The following ERLIN1 variants were observed in gnomAD, a reference collection of about 807,000 sequenced individuals.
ERLIN1 encodes the protein ER lipid raft associated 1, also known as erlin-1.
ERLIN1 carries 24 observed loss-of-function variants against 46.9 expected under a neutral mutation model. The ratio of observed to expected loss-of-function variants is 0.51; its 90% CI spans 0.37 to 0.72. The LOEUF (loss-of-function observed/expected upper bound fraction) is 0.72, where lower values mean the gene tolerates loss of function less well. ERLIN1 is among the 30% of genes least tolerant of loss of function. The pLI is 0.00. For missense variants in ERLIN1, 293 were observed against 417.9 expected, an observed-to-expected ratio of 0.70 and a Z score of 2.61; for synonymous variants, 158 against 143.2, an observed-to-expected ratio of 1.10 and a Z score of -0.74.
At chr10:100,156,104 G>C in intron 9 of ERLIN1, 41 bp downstream of exon 9, 1 of 1,328,048 alleles carries the variant, frequency 7.5e-7, no homozygotes, top group Non-Finnish European at 1.1e-6. Context: ...AGAGGAGGCA[G>C]TTCGGGACAG....
chr10:100,164,001 T>C lies in ERLIN1; in HGVS notation c.655+3A>G. 6.3e-7 allele frequency: 1 copy of C among 1,582,376 alleles called. No individual in the cohort carries two copies. The highest frequency in any genetic ancestry group is 1.3e-5 in the African/African-American group (1 of 74,450). ...GACAATCATTTCAGAGAAATCCAAG[T>C]ACCTATAACTGCCTTTTTCCTCTCT... On this transcript the variant is annotated splice_donor_region_variant and intron_variant, in intron 8 of 10. Coordinates refer to ENST00000421367, the MANE Select transcript of ERLIN1 (RefSeq NM_006459.4).
chr10:100,151,666 T>C lies in ERLIN1; in HGVS notation c.*465A>G, dbSNP rs1842806813. 1.8e-5 allele frequency: 4 copies of C among 227,956 alleles called. No homozygotes were observed. In the South Asian group the frequency reaches 2.6e-4, roughly 15 times the overall value. The allele number at this position is 227,956 out of a possible 1,614,324, so 14.1% of individuals were successfully genotyped here. A position where few individuals can be genotyped will look rare whatever the true frequency, so the allele number is the denominator to read the frequency against. ...TAATCACATGGATGAAGGCTGGGACTGGATCCCAAAGAAAGGGCCTGGGTC... is the reference window on the plus strand; with the variant it reads ...TAATCACATGGATGAAGGCTGGGACCGGATCCCAAAGAAAGGGCCTGGGTC... On this transcript the variant is annotated 3_prime_UTR_variant, in exon 11 of 11. Coordinates refer to ENST00000421367, the MANE Select transcript of ERLIN1 (RefSeq NM_006459.4).
At chr10:100,152,665 C>A (rs1480463541) in intron 10 of ERLIN1, among the ~76,000 whole-genome samples, 27 of 152,190 alleles carry the variant, frequency 1.8e-4, no homozygotes, top group Admixed American at 1.8e-3. Context: ...ACTTTCATTT[C>A]ATCTAGTTGA....
In ERLIN1 at chr10:100,184,068, G is replaced by A. The variant is rs79704765; in HGVS notation, c.114-231C>T. 6.4e-3 allele frequency among the ~76,000 whole-genome samples: 969 copies of A among 152,134 alleles called. 17 individuals carry two copies. The highest frequency in any genetic ancestry group is 0.058 in the East Asian group (302 of 5,178). On this transcript the variant is annotated intron_variant, in intron 1 of 10. Coordinates refer to ENST00000421367, the MANE Select transcript of ERLIN1 (RefSeq NM_006459.4). ...CCTTGTTTCATAAGCTCAACCAACC[G>A]TACCTCTGGGTCTCCAGCACTGCTC...
chr10:100,152,401 C>T (rs753531124), intron 10 of ERLIN1, 49 bp from the exon 11 acceptor site: 3 of 1,026,210 alleles, frequency 2.9e-6, no homozygotes, highest in African/African-American at 1.5e-5. Context: ...TCTGGTGCAA[C>T]AGTCTTCTCT....
In ERLIN1 at chr10:100,156,200, C is replaced by T. The variant is rs1843073032; in HGVS notation, c.690G>A (p.Arg230=). 3 of 1,613,378 alleles carry T rather than the reference C, an allele frequency of 1.9e-6. No individual in the cohort carries two copies. The East Asian group carries it at 6.7e-5, about 36-fold the overall frequency. The part of the protein sequence containing the change: ...AEKIAQVAKI[R]FQQKVMEKET... ...CTTTTTCCATCACTTTCTGCTGAAA[C>T]CGAATTTTTGCCACTTGTGCAATCT... The change falls in exon 9 of 11, where the codon CGG becomes CGA. Residue 230 remains arginine (R), a synonymous_variant. Transcript: ENST00000421367.
At chr10:100,183,876 G>C (rs768402126) in intron 1 of ERLIN1, 39 bp from the exon 2 acceptor site, 26 of 1,424,898 alleles carry the variant, frequency 1.8e-5, no homozygotes, top group Non-Finnish European at 2.5e-5. Flanking sequence ...ATTATAAAAA[G>C]AAAAATTATC....
chr10:100,174,417 T>C, intron 5 of ERLIN1, 136 bp from the exon 6 acceptor site: 1 of 606,086 alleles, frequency 1.6e-6, no homozygotes, highest in Non-Finnish European at 2.9e-6. Flanking sequence ...TAAACTGCCT[T>C]TTCTTCCCTT....
chr10:100,185,280 C>A (rs1012064537), intron 1 of ERLIN1, among the ~76,000 whole-genome samples: 14 of 152,148 alleles, frequency 9.2e-5, no homozygotes, highest in African/African-American at 3.4e-4. Context: ...ATTGAGTTTG[C>A]TGTGTATAGG....
At chr10:100,158,796 G>C (rs910542860) in intron 8 of ERLIN1, among the ~76,000 whole-genome samples, 1 of 152,064 alleles carries the variant, frequency 6.6e-6, no homozygotes, top group African/African-American at 2.4e-5. Flanking sequence ...ATACATTCCA[G>C]CAATGGAATG....
Position 100,152,283 on chromosome 10 carries a change from A to C in ERLIN1, c.895T>G (p.Phe299Val). 1 of 1,613,476 alleles carries C rather than the reference A, an allele frequency of 6.2e-7. No individual in the cohort carries two copies. The highest frequency in any genetic ancestry group is 8.5e-7 in the Non-Finnish European group (1 of 1,179,380). ...QAIASNSKIY[F>V]GSNIPNMFVD... ...AACATGTTAGGGATGTTGCTGCCAAAATAGATCTTACTGTTAGAAGCAATG... is the reference window on the plus strand; with the variant it reads ...AACATGTTAGGGATGTTGCTGCCAACATAGATCTTACTGTTAGAAGCAATG... Residue 299 changes from phenylalanine to valine, a missense_variant, in exon 11 of 11, where the codon TTT becomes GTT. Around this residue, in one of 3 missense-constraint regions of ERLIN1, gnomAD observed 69 missense variants for 74.5 expected, o/e 0.93. Coordinates refer to ENST00000421367, the MANE Select transcript of ERLIN1 (RefSeq NM_006459.4).
intron 8 of ERLIN1, among the ~76,000 whole-genome samples, chr10:100,159,994 C>A (rs1843278190): frequency 6.6e-6 from 1 of 151,632 alleles, no homozygotes; most frequent in South Asian, 2.1e-4. Flanking sequence ...ATAAAACAGA[C>A]CTCTGGCAAA....
chr10:100,158,861 A>G (rs900271935), intron 8 of ERLIN1, among the ~76,000 whole-genome samples: 8 of 152,184 alleles, frequency 5.3e-5, no homozygotes, highest in African/African-American at 1.2e-4. Flanking sequence ...AATCAATTCA[A>G]TACCAATCAG....
chr10:100,183,680 A>T, intron 2 of ERLIN1, 76 bp downstream of exon 2: 2 of 925,170 alleles, frequency 2.2e-6, no homozygotes, highest in Non-Finnish European at 3.4e-6. Flanking sequence ...AAGGAAATCT[A>T]TCTCCACCCA....
intron 8 of ERLIN1, among the ~76,000 whole-genome samples, chr10:100,158,377 T>C (rs1330804652): frequency 6.6e-6 from 1 of 152,136 alleles, no homozygotes; most frequent in Non-Finnish European, 1.5e-5. Flanking sequence ...TGTAAATAGG[T>C]GCAAGCAGCC....
At chr10:100,155,263 TA>T (rs1843010504) in intron 9 of ERLIN1, among the ~76,000 whole-genome samples, 1 of 151,982 alleles carries the variant, frequency 6.6e-6, no homozygotes, top group Non-Finnish European at 1.5e-5. Flanking sequence ...AGTCCAGACA[TA>T]AAAGCTCTAT....
chr10:100,170,935 T>C (rs929922127), intron 6 of ERLIN1, among the ~76,000 whole-genome samples: 1 of 152,142 alleles, frequency 6.6e-6, no homozygotes, highest in African/African-American at 2.4e-5. Flanking sequence ...AAAAACTATT[T>C]CAAAGAAGGG....
chr10:100,172,392 T>C (rs1478643664), intron 6 of ERLIN1, among the ~76,000 whole-genome samples: 1 of 152,132 alleles, frequency 6.6e-6, no homozygotes, highest in Non-Finnish European at 1.5e-5. Context: ...TTCATTTTAT[T>C]CTTCATCATT....
rs1589567036 is a variant in ERLIN1 at position 100,185,785 on chromosome 10, C to A, written c.-159G>T. On this transcript the variant is annotated 5_prime_UTR_variant, in exon 1 of 11. Coordinates refer to ENST00000421367, the MANE Select transcript of ERLIN1 (RefSeq NM_006459.4). ...CTGTCCCCTCATTCTTCCCTTCTGG[C>A]TGAGCCCGCTGACCCCTTGCCAACT... The A allele has an allele frequency of 3.2e-6, 2 of 622,342 alleles. No individual in the cohort carries two copies. The highest frequency in any genetic ancestry group is 5.6e-5 in the East Asian group (2 of 35,642). 38.6% of individuals were successfully genotyped at this position (622,342 alleles called of 1,614,324 possible). A position where few individuals can be genotyped will look rare whatever the true frequency, so the allele number is the denominator to read the frequency against.
Sources: allele counts gnomAD v4.1 joint callset (sites outside exome capture counted in the v4.1 genomes callset), GRCh38; gene constraint gnomAD v4.1.1; regional missense constraint gnomAD v4.1.1; transcripts MANE v1.5; gene names NCBI Gene and HGNC (gene_info 2026-07-23, HGNC 2026-07-21).